The following METTL15 variants were observed in gnomAD, a reference collection of about 807,000 sequenced individuals.
METTL15 encodes the protein methyltransferase 15, mitochondrial 12S rRNA N4-cytidine, also known as 12S rRNA N(4)-cytidine methyltransferase METTL15.
A neutral mutation model predicts 38.3 loss-of-function variants in METTL15; 34 were observed. The ratio of observed to expected loss-of-function variants is 0.89; its 90% CI spans 0.68 to 1.18. The LOEUF (loss-of-function observed/expected upper bound fraction) is 1.18. METTL15 is among the 50% of genes most tolerant of loss of function. The pLI, the probability that METTL15 is intolerant of heterozygous loss-of-function variation, is 0.00. For missense variants in METTL15, 438 were observed against 498.4 expected, an observed-to-expected ratio of 0.88 and a Z score of 1.15; for synonymous variants, 162 against 170.9, an observed-to-expected ratio of 0.95 and a Z score of 0.41.
intron 3 of METTL15, 126 bp downstream of exon 3, chr11:28,113,730 G>GT: frequency 1.0e-6 from 1 of 977,702 alleles, no homozygotes; most frequent in Non-Finnish European, 1.5e-6. Context: ...ACTTTTGATG[G>GT]TTGATGCGAA....
chr11:28,138,051 A>G (rs902337541), intron 3 of METTL15, among the ~76,000 whole-genome samples: 2 of 152,214 alleles, frequency 1.3e-5, no homozygotes, highest in African/African-American at 4.8e-5. Flanking sequence ...GCTGGAAGAC[A>G]AAAACAGATT....
intron 3 of METTL15, among the ~76,000 whole-genome samples, chr11:28,174,830 AC>A (rs139331070): frequency 0.42 from 57,702 of 138,004 alleles, 12,639 homozygotes; most frequent in Admixed American, 0.51. Flanking sequence ...AAAAAAAAAA[AC>A]ATAAAAAAGC....
At chr11:28,375,614 C>T (rs1850300839) in intron 5 of METTL15, among the ~76,000 whole-genome samples, 1 of 152,164 alleles carries the variant, frequency 6.6e-6, no homozygotes. Context: ...TTTCAAAAAA[C>T]CAGCTCCTGG....
At chr11:28,251,634 T>A (rs1854747882) in intron 4 of METTL15, among the ~76,000 whole-genome samples, 1 of 152,058 alleles carries the variant, frequency 6.6e-6, no homozygotes, top group Non-Finnish European at 1.5e-5. Context: ...CTAGCCAATC[T>A]ATTCAACACA....
chr11:28,231,162 G>A (rs913495140), intron 4 of METTL15, among the ~76,000 whole-genome samples: 1 of 151,660 alleles, frequency 6.6e-6, no homozygotes, highest in Admixed American at 6.6e-5. Flanking sequence ...TGGATAAAAA[G>A]GTCAACATAA....
At chr11:28,304,334 C>T (rs1047601401) in intron 6 of METTL15, among the ~76,000 whole-genome samples, 2 of 152,150 alleles carry the variant, frequency 1.3e-5, no homozygotes, top group Non-Finnish European at 2.9e-5. Flanking sequence ...GCATCAATGG[C>T]TCATGCCTCA....
chr11:28,264,932 TA>T (rs77998304), intron 4 of METTL15, among the ~76,000 whole-genome samples: 309 of 152,192 alleles, frequency 2.0e-3, no homozygotes, highest in East Asian at 9.5e-3. Flanking sequence ...TGGGAGGAAA[TA>T]TTTTTTTTAT....
chr11:28,381,770 G>A (rs1850388748), intron 5 of METTL15, among the ~76,000 whole-genome samples: 1 of 152,066 alleles, frequency 6.6e-6, no homozygotes, highest in Non-Finnish European at 1.5e-5. Flanking sequence ...GCTTTTCTGT[G>A]TTATCTTGGA....
At chr11:28,190,835 T>C (rs1420246803) in intron 3 of METTL15, among the ~76,000 whole-genome samples, 1 of 151,342 alleles carries the variant, frequency 6.6e-6, no homozygotes, top group Non-Finnish European at 1.5e-5. Flanking sequence ...AAAAAACATT[T>C]GTAATCATGG....
At chr11:28,305,112 T>C (rs2134014974) in intron 6 of METTL15, among the ~76,000 whole-genome samples, 1 of 152,332 alleles carries the variant, frequency 6.6e-6, no homozygotes, top group African/African-American at 2.4e-5. Context: ...GCAAATGACA[T>C]TTTTTAAGTA....
rs528544785 is a variant in METTL15 at position 28,219,238 on chromosome 11, C to T, written c.407+8040C>T. ...ATTAATTATTGCCTCAATTTCAGAG[C>T]CTGTTATTGGTCTATTCAGAGATTC... On this transcript the variant is annotated intron_variant, in intron 4 of 6. Transcript: ENST00000407364. 1.6e-4 allele frequency among the ~76,000 whole-genome samples: 25 copies of T among 152,146 alleles called. 1 individual carries two copies. The Middle Eastern group carries it at 0.01, about 62-fold the overall frequency.
chr11:28,418,372 A>G (rs944741545), intron 5 of METTL15, among the ~76,000 whole-genome samples: 4 of 152,192 alleles, frequency 2.6e-5, no homozygotes, highest in Admixed American at 2.0e-4. Context: ...ATGTCTCAGT[A>G]AAATGGGATT....
intron 5 of METTL15, among the ~76,000 whole-genome samples, chr11:28,365,908 G>A (rs143798829): frequency 9.9e-5 from 15 of 152,016 alleles, no homozygotes; most frequent in African/African-American, 3.4e-4. Context: ...AAAATTAGTC[G>A]GGCGTGGTGG....
chr11:28,197,474 C>A (rs934948556), intron 3 of METTL15: 9 of 446,496 alleles, frequency 2.0e-5, no homozygotes, highest in Non-Finnish European at 4.2e-5. Context: ...ATTTGCATAT[C>A]CCAATTTCCT....
intron 3 of METTL15, chr11:28,134,631 A>G (rs1849454983): frequency 5.0e-6 from 2 of 398,392 alleles, no homozygotes; most frequent in Non-Finnish European, 8.9e-6. Context: ...AGCGGCAGTT[A>G]GGACTCCTCC....
intron 6 of METTL15, among the ~76,000 whole-genome samples, chr11:28,454,760 T>C (rs1298133388): frequency 6.6e-6 from 1 of 152,230 alleles, no homozygotes; most frequent in East Asian, 1.9e-4. Flanking sequence ...TATCTCATAT[T>C]TTCACCAACA....
At chr11:28,245,506 A>C (rs746250324) in intron 4 of METTL15, among the ~76,000 whole-genome samples, 1 of 152,158 alleles carries the variant, frequency 6.6e-6, no homozygotes, top group African/African-American at 2.4e-5. Context: ...AAAAAGTATC[A>C]CATGAAAATC....
chr11:28,326,127 C>A (rs887537086), intron 6 of METTL15, among the ~76,000 whole-genome samples: 3 of 152,172 alleles, frequency 2.0e-5, no homozygotes, highest in African/African-American at 7.2e-5. Flanking sequence ...CAATAAGTTT[C>A]TATTTCTGAT....
intron 6 of METTL15, among the ~76,000 whole-genome samples, chr11:28,489,606 C>T (rs1439080097): frequency 6.7e-6 from 1 of 148,756 alleles, no homozygotes; most frequent in Admixed American, 6.7e-5. Context: ...TATGGAAGCC[C>T]AGAGAGAGAG....
Sources: allele counts gnomAD v4.1 joint callset (sites outside exome capture counted in the v4.1 genomes callset), GRCh38; gene constraint gnomAD v4.1.1; transcripts MANE v1.5; gene names NCBI Gene and HGNC (gene_info 2026-07-23, HGNC 2026-07-21).